Variants in FRMD4B observed in about 807,000 individuals in gnomAD.
FRMD4B encodes the protein FERM domain-containing protein 4B.
In FRMD4B, 74 loss-of-function variants were observed where a neutral mutation model predicts 141.5. The observed-to-expected ratio is 0.52, with a 90% CI of 0.43 to 0.63. The LOEUF (loss-of-function observed/expected upper bound fraction) is 0.63. FRMD4B is among the 30% of genes least tolerant of loss of function. The pLI, the probability that FRMD4B is intolerant of heterozygous loss-of-function variation, is 0.00. For synonymous variants in FRMD4B, 506 were observed against 467.9 expected (o/e 1.08, Z -1.05); for missense variants, 1,366 against 1,253.4 (o/e 1.09, Z -1.36).
At chr3:69,293,366 A>T (rs1383061496) in intron 4 of FRMD4B, among the ~76,000 whole-genome samples, 3 of 150,834 alleles carry the variant, frequency 2.0e-5, no homozygotes, top group Non-Finnish European at 3.0e-5. Context: ...GTCTTGGGGT[A>T]GCTGCTCCGC....
Position 69,181,622 on chromosome 3 carries a change from G to C in FRMD4B, c.2128C>G (p.Pro710Ala). ...TGGGATTTGGAGAGGGAGAAAAATG[G>C]CTTATCGCTGTCCATCTCGGAGAGC... The part of the protein sequence containing the change: ...HLLSEMDSDK[P>A]FFSLSKSQRS... Residue 710 changes from proline (P) to alanine (A), a missense_variant, in exon 21 of 23, where the codon CCA becomes GCA. Physicochemically the swap from Pro to Ala is conservative, Grantham distance 27. Coordinates refer to ENST00000398540, the MANE Select transcript of FRMD4B (RefSeq NM_015123.3). 6.2e-7 allele frequency: 1 copy of C among 1,613,330 alleles called. No homozygotes were observed. The highest frequency in any genetic ancestry group is 8.5e-7 in the Non-Finnish European group (1 of 1,179,342).
rs1048434936 is a variant in FRMD4B, at chr3:69,169,031, T to C, written c.*2830A>G. ...AAAAAATGTTGTAAAACTGTACTTG[T>C]AATATGCTGGACTTTAAAAAAATTA... On this transcript the variant is annotated 3_prime_UTR_variant, in exon 23 of 23. Coordinates refer to ENST00000398540, the MANE Select transcript of FRMD4B (RefSeq NM_015123.3). Among the ~76,000 whole-genome samples the C allele has an allele frequency of 1.2e-4, 18 of 152,064 alleles. No homozygotes were observed. Among genetic ancestry groups the C allele is most frequent in the African/African-American group, 4.3e-4 (18 of 41,420 alleles).
intron 7 of FRMD4B, among the ~76,000 whole-genome samples, chr3:69,242,320 C>T (rs4638975): frequency 0.028 from 4,184 of 151,788 alleles, 205 homozygotes; most frequent in African/African-American, 0.096. Flanking sequence ...TTATCATTGA[C>T]GGTAAAGACT....
At chr3:69,508,229 GA>G (rs953717486) in intron 1 of FRMD4B, among the ~76,000 whole-genome samples, 9 of 151,758 alleles carry the variant, frequency 5.9e-5, no homozygotes, top group Non-Finnish European at 1.2e-4. Flanking sequence ...TTTTACATAA[GA>G]AAAAAATAAA....
intron 2 of FRMD4B, among the ~76,000 whole-genome samples, chr3:69,395,775 T>A (rs1346887829): frequency 6.6e-6 from 1 of 152,188 alleles, no homozygotes; most frequent in Non-Finnish European, 1.5e-5. Flanking sequence ...CCTTGAAACC[T>A]ATGGCTATGT....
intron 1 of FRMD4B, among the ~76,000 whole-genome samples, chr3:69,533,062 T>C (rs1279876391): frequency 6.6e-6 from 1 of 152,214 alleles, no homozygotes; most frequent in East Asian, 1.9e-4. Flanking sequence ...AGTTTTACAA[T>C]GCCAAAAATT....
chr3:69,318,274 C>T (rs913160250), intron 1 of FRMD4B, among the ~76,000 whole-genome samples: 4 of 152,110 alleles, frequency 2.6e-5, no homozygotes, highest in African/African-American at 7.2e-5. Flanking sequence ...AGTACCCAGC[C>T]GGATTCTGCT....
chr3:69,531,396 C>CA (rs149536550), intron 1 of FRMD4B, among the ~76,000 whole-genome samples: 34,948 of 149,000 alleles, frequency 0.23, 4,211 homozygotes, highest in African/African-American at 0.29. Context: ...ATGTACCAAG[C>CA]AAAAAAAAAG....
intron 7 of FRMD4B, among the ~76,000 whole-genome samples, chr3:69,235,289 G>T (rs1172560752): frequency 6.6e-6 from 1 of 151,994 alleles, no homozygotes; most frequent in Non-Finnish European, 1.5e-5. Context: ...GCTCAGGTTT[G>T]TTTTAGGAGA....
chr3:69,468,620 CA>C (rs1311248260), intron 1 of FRMD4B, among the ~76,000 whole-genome samples: 1 of 152,096 alleles, frequency 6.6e-6, no homozygotes, highest in Non-Finnish European at 1.5e-5. Flanking sequence ...GGAGCAGCCA[CA>C]AAAAATTGTC....
chr3:69,286,638 T>G (rs1692494539), intron 5 of FRMD4B, among the ~76,000 whole-genome samples: 1 of 152,108 alleles, frequency 6.6e-6, no homozygotes, highest in Non-Finnish European at 1.5e-5. Flanking sequence ...GGCATTGAGA[T>G]CAGAACGTAC....
intron 11 of FRMD4B, 104 bp from the exon 12 acceptor site, chr3:69,198,878 T>C: frequency 1.5e-6 from 1 of 665,156 alleles, no homozygotes; most frequent in Non-Finnish European, 2.7e-6. Context: ...GAAGGTACAC[T>C]GATACGATGA....
chr3:69,332,310 G>C (rs921537715), intron 1 of FRMD4B, among the ~76,000 whole-genome samples: 2 of 152,154 alleles, frequency 1.3e-5, no homozygotes, highest in Non-Finnish European at 2.9e-5. Flanking sequence ...AATTTTTGAA[G>C]TGCTTTCACC....
At chr3:69,439,894 G>A (rs1490116918) in intron 1 of FRMD4B, among the ~76,000 whole-genome samples, 2 of 152,154 alleles carry the variant, frequency 1.3e-5, no homozygotes, top group Non-Finnish European at 2.9e-5. Flanking sequence ...TTGTGGAAGT[G>A]CCTGTTAATA....
At chr3:69,200,121 C>T (rs548916926) in intron 11 of FRMD4B, among the ~76,000 whole-genome samples, 3 of 152,284 alleles carry the variant, frequency 2.0e-5, no homozygotes, top group African/African-American at 7.2e-5. Context: ...CATTTCCTGA[C>T]ATACGGGAAC....
intron 1 of FRMD4B, among the ~76,000 whole-genome samples, chr3:69,532,888 G>A (rs552029276): frequency 7.2e-5 from 11 of 152,322 alleles, no homozygotes; most frequent in African/African-American, 2.6e-4. Flanking sequence ...GATGGATGCT[G>A]GTATTTCCAG....
At position 69,396,790 on chromosome 3, in the gene FRMD4B, A is replaced by T. The variant is rs1428377560; in HGVS notation, c.-1+35844T>A. Among the ~76,000 whole-genome samples, 12 of 152,208 alleles carry T rather than the reference A, an allele frequency of 7.9e-5. 1 individual carries two copies. On this transcript the variant is annotated intron_variant, in intron 2 of 5. Transcript: ENST00000459638. ...GACTGGAGTTCCTCAAAAAGTTAAA[A>T]ATAGAATTACCACGTGATCCAGCAA... is the stretch of plus-strand genomic sequence containing the variant.
intron 1 of FRMD4B, among the ~76,000 whole-genome samples, chr3:69,350,446 C>T (rs1274601016): frequency 6.6e-6 from 1 of 152,144 alleles, no homozygotes; most frequent in African/African-American, 2.4e-5. Context: ...AGTAGAAATA[C>T]CATTTGACCC....
chr3:69,439,789 T>C (rs1368938659), intron 1 of FRMD4B, among the ~76,000 whole-genome samples: 2 of 152,250 alleles, frequency 1.3e-5, no homozygotes, highest in African/African-American at 4.8e-5. Flanking sequence ...GGGCATAAAA[T>C]GCAGTTTCAT....
Sources: gnomAD v4.1 joint callset for allele counts (sites outside exome capture counted in the v4.1 genomes callset) on GRCh38, gnomAD v4.1.1 for gene constraint, MANE v1.5 for transcripts, NCBI Gene and HGNC (gene_info 2026-07-23, HGNC 2026-07-21) for gene names.